The following ZNF518A variants were observed in gnomAD, a reference collection of about 807,000 sequenced individuals.
The protein encoded by ZNF518A is zinc finger protein 518A.
In ZNF518A, 47 loss-of-function variants were observed where a neutral mutation model predicts 102.7. The observed-to-expected ratio is 0.46, with a 90% CI of 0.36 to 0.58. The LOEUF (loss-of-function observed/expected upper bound fraction) is 0.58, where lower values mean the gene tolerates loss of function less well. Among genes scored for constraint, ZNF518A ranks in the 20% least tolerant of loss-of-function variants. The probability of loss-of-function intolerance (pLI) is 0.00; values close to 1 mark genes in which losing one functional copy is unlikely to be tolerated. For synonymous variants in ZNF518A, 652 were observed against 594.6 expected (o/e 1.10, Z -1.40); for missense variants, 1,793 against 1,699.8 (o/e 1.05, Z -0.96).
intron 1 of ZNF518A, among the ~76,000 whole-genome samples, chr10:96,192,386 C>T (rs1270120388): frequency 1.3e-5 from 2 of 152,000 alleles, no homozygotes; most frequent in Non-Finnish European, 2.9e-5. Flanking sequence ...TTTTATTTAC[C>T]GTTAAATGTA....
At chr10:96,204,203 T>G (rs937297634), downstream of ZNF518A, 15 of 1,146,368 alleles carry the variant, frequency 1.3e-5, no homozygotes, top group African/African-American at 2.0e-4. Context: ...TCAATACAAA[T>G]GGCCAATAAA....
At chr10:96,177,046 T>C (rs1591276037) in intron 1 of ZNF518A, among the ~76,000 whole-genome samples, 1 of 144,494 alleles carries the variant, frequency 6.9e-6, no homozygotes, top group African/African-American at 2.6e-5. Context: ...CACACTGCAC[T>C]CCAGCCAGGG....
chr10:96,143,145 C>T (rs1387328716), intron 3 of ZNF518A, among the ~76,000 whole-genome samples: 1 of 152,160 alleles, frequency 6.6e-6, no homozygotes, highest in East Asian at 1.9e-4. Context: ...TTACCAGTTC[C>T]TTGGCTCCTC....
intron 1 of ZNF518A, among the ~76,000 whole-genome samples, chr10:96,173,548 C>G (rs1485330913): frequency 6.6e-6 from 1 of 152,068 alleles, no homozygotes; most frequent in Admixed American, 6.6e-5. Flanking sequence ...AATTTTATAA[C>G]AGTAAAAGTG....
intron 1 of ZNF518A, among the ~76,000 whole-genome samples, chr10:96,193,337 C>T (rs1258235467): frequency 6.6e-6 from 1 of 152,172 alleles, no homozygotes; most frequent in Non-Finnish European, 1.5e-5. Flanking sequence ...CGAAATAGCA[C>T]AATCTCTTTG....
chr10:96,195,026 C>G (rs1214432809), intron 1 of ZNF518A, among the ~76,000 whole-genome samples: 5 of 152,100 alleles, frequency 3.3e-5, no homozygotes, highest in African/African-American at 1.2e-4. Context: ...GTCTCGGCCT[C>G]CCAAAGTGCT....
intron 1 of ZNF518A, among the ~76,000 whole-genome samples, chr10:96,187,002 T>G (rs1554892670): frequency 6.6e-6 from 1 of 152,188 alleles, no homozygotes; most frequent in Non-Finnish European, 1.5e-5. Context: ...AGGAATCTCA[T>G]GATATTTGAT....
intron 2 of ZNF518A, 138 bp from the exon 3 acceptor site, chr10:96,133,445 G>A (rs1285071116): frequency 1.3e-5 from 2 of 152,162 alleles, no homozygotes; most frequent in Non-Finnish European, 1.5e-5. Flanking sequence ...GACAAAAAAG[G>A]AGGAAAAATA....
At chr10:96,183,538 A>C (rs2083252514) in intron 1 of ZNF518A, among the ~76,000 whole-genome samples, 1 of 152,210 alleles carries the variant, frequency 6.6e-6, no homozygotes, top group South Asian at 2.1e-4. Context: ...CATTTCAAAG[A>C]ACATCTTTAT....
rs1369509080 is a variant in ZNF518A, at chr10:96,159,267, TTAA to T, written c.2950_2952del (p.Asn984del). On this transcript the variant is annotated inframe_deletion, in exon 6 of 6. Transcript: ENST00000316045. ...AAGAAACCTGGGATGGTTTTAACACTTAATAATGGGAAACTTGAAGGTGTTTCC... is the reference window on the plus strand; with the variant it reads ...AAGAAACCTGGGATGGTTTTAACACTTAATGGGAAACTTGAAGGTGTTTCC... 6.2e-6 allele frequency: 10 copies of T among 1,613,346 alleles called. No individual in the cohort carries two copies. The highest frequency in any genetic ancestry group is 1.3e-5 in the African/African-American group (1 of 74,902).
In ZNF518A at chr10:96,157,959, A is replaced by G. The variant is rs2082780874; in HGVS notation, c.1637A>G (p.Tyr546Cys). 6.2e-7 allele frequency: 1 copy of G among 1,613,858 alleles called. No homozygotes were observed. Among genetic ancestry groups the G allele is most frequent in the Non-Finnish European group, 8.5e-7 (1 of 1,179,786 alleles). The stretch of plus-strand genomic sequence containing the variant: ...AATAATATGCTTCAAACAATGGATT[A>G]TGAGAAAAGTGTATCTTCTTTGTCA... ...QRNNMLQTMD[Y>C]EKSVSSLSAT... The change falls in exon 6 of 6, where the codon TAT (tyrosine) becomes TGT (cysteine). Residue 546 changes from tyrosine (Y) to cysteine (C), a missense_variant. By Grantham distance (194) the Tyr-to-Cys change is radical. Coordinates refer to ENST00000316045, the MANE Select transcript of ZNF518A (RefSeq NM_001330736.2).
rs1221639206 is a variant in ZNF518A at position 96,162,423 on chromosome 10, A to C, written c.*1649A>C. On this transcript the variant is annotated 3_prime_UTR_variant, in exon 6 of 6. Coordinates refer to ENST00000316045, the MANE Select transcript of ZNF518A (RefSeq NM_001330736.2). Reference sequence around the variant, plus strand: ...GATGTGAAACAGTTTACATATGTCAACTGTAACAGTAGGTCCCAAATGGGC... The same window carrying C: ...GATGTGAAACAGTTTACATATGTCACCTGTAACAGTAGGTCCCAAATGGGC... 6.0e-6 allele frequency: 1 copy of C among 166,960 alleles called. No individual in the cohort carries two copies. The highest frequency in any genetic ancestry group is 1.9e-4 in the East Asian group (1 of 5,206). The allele number at this position is 166,960 out of a possible 1,614,324, so 10.3% of individuals were successfully genotyped here.
In ZNF518A at chr10:96,160,310, T is replaced by C. The variant is rs782278357; in HGVS notation, c.3988T>C (p.Phe1330Leu). ...AGATTCCATCAGAACTTTGCGGCTT[T>C]TCCCTTTTAGTTCTAAACAGCTTGT... The part of the protein sequence containing the change: ...SKDSIRTLRL[F>L]PFSSKQLVKC... Residue 1330 changes from phenylalanine (F) to leucine (L), a missense_variant, in exon 6 of 6, where the codon TTC (phenylalanine) becomes CTC (leucine). By Grantham distance (22) the Phe-to-Leu change is conservative (BLOSUM62 0). Around this residue, in one of 3 missense-constraint regions of ZNF518A, gnomAD observed 1,741 missense variants for 1,622.6 expected, o/e 1.07. Transcript: ENST00000316045. The C allele has an allele frequency of 1.1e-5, 17 of 1,613,592 alleles. No homozygotes were observed. The highest frequency in any genetic ancestry group is 2.7e-5 in the African/African-American group (2 of 74,914).
rs1472068421 is a variant in ZNF518A at position 96,181,366 on chromosome 10, A to C, written n.36-22208A>C. ...TTAGTTTAATTAGATCCCATTTGTC[A>C]ATTTTGGCTTTTGTTGCCATTGCTT... On this transcript the variant is annotated intron_variant and non_coding_transcript_variant, in intron 1 of 2. Coordinates refer to the ZNF518A transcript ENST00000442635. 2.0e-5 allele frequency among the ~76,000 whole-genome samples: 3 copies of C among 152,044 alleles called. No homozygotes were observed. In the East Asian group the frequency reaches 5.8e-4, roughly 29 times the overall value.
At chr10:96,140,153 C>T (rs373014316) in intron 3 of ZNF518A, among the ~76,000 whole-genome samples, 13 of 152,210 alleles carry the variant, frequency 8.5e-5, no homozygotes, top group Middle Eastern at 6.8e-3. Flanking sequence ...CCACCTCGCC[C>T]GGCCCAAGAT....
In ZNF518A at chr10:96,191,344, T is replaced by G. The variant is rs181998049; in HGVS notation, n.36-12230T>G. On this transcript the variant is annotated intron_variant and non_coding_transcript_variant, in intron 1 of 2. Coordinates refer to the ZNF518A transcript ENST00000442635. The stretch of plus-strand genomic sequence containing the variant: ...CATATCAAGTTTAGGTTCTATTTGA[T>G]AGACATGTAGATCAAAGAGGGTATA... 1.4e-4 allele frequency among the ~76,000 whole-genome samples: 21 copies of G among 151,832 alleles called. No homozygotes were observed. The East Asian group carries it at 4.1e-3, about 29-fold the overall frequency.
rs191220714 is a variant in ZNF518A at position 96,163,411 on chromosome 10, G to A, written c.*2637G>A. 3.0e-5 allele frequency: 5 copies of A among 167,000 alleles called. No homozygotes were observed. The East Asian group carries it at 7.7e-4, about 26-fold the overall frequency. The allele number at this position is 167,000 out of a possible 1,614,324, so 10.3% of individuals were successfully genotyped here. ...CAATTGAAGAGTTAGTTTTAGTTTT[G>A]CAGTTGAATTTCTGTGTGAGGAATT... is the stretch of plus-strand genomic sequence containing the variant. On this transcript the variant is annotated 3_prime_UTR_variant, in exon 6 of 6. Transcript: ENST00000316045.
intron 3 of ZNF518A, among the ~76,000 whole-genome samples, chr10:96,153,779 G>A (rs1397496836): frequency 6.6e-6 from 1 of 152,118 alleles, no homozygotes; most frequent in Non-Finnish European, 1.5e-5. Context: ...CACAGAAGAG[G>A]TGTCAAATGT....
intron 1 of ZNF518A, among the ~76,000 whole-genome samples, chr10:96,178,004 T>C (rs587601759): frequency 6.6e-6 from 1 of 152,212 alleles, no homozygotes; most frequent in African/African-American, 2.4e-5. Flanking sequence ...TAGAGAGAAA[T>C]TGACAAATCT....
Sources: allele counts gnomAD v4.1 joint callset (sites outside exome capture counted in the v4.1 genomes callset), GRCh38; gene constraint gnomAD v4.1.1; regional missense constraint gnomAD v4.1.1; transcripts MANE v1.5; gene names NCBI Gene and HGNC (gene_info 2026-07-23, HGNC 2026-07-21).